Variants in CAMK2B observed in about 807,000 individuals in gnomAD.
CAMK2B encodes calcium/calmodulin dependent protein kinase II beta, also known as calcium/calmodulin-dependent protein kinase type II subunit beta.
Under a neutral mutation model 93.7 loss-of-function variants are expected in CAMK2B, and 27 were observed. That is an observed-to-expected ratio of 0.29 (90% CI 0.21 to 0.40). The LOEUF is 0.40. CAMK2B is among the 10% of genes least tolerant of loss of function. The probability of loss-of-function intolerance (pLI) is 1.00; values close to 1 mark genes in which losing one functional copy is unlikely to be tolerated. For missense variants in CAMK2B, 568 were observed against 895.8 expected, an observed-to-expected ratio of 0.63 and a Z score of 4.67; for synonymous variants, 374 against 358.8, an observed-to-expected ratio of 1.04 and a Z score of -0.48.
intron 1 of CAMK2B, among the ~76,000 whole-genome samples, chr7:44,285,097 C>T (rs918142142): frequency 2.0e-5 from 3 of 152,158 alleles, no homozygotes; most frequent in Non-Finnish European, 2.9e-5. Flanking sequence ...GGCTTCAGGG[C>T]GCCCTGAGGG....
intron 1 of CAMK2B, among the ~76,000 whole-genome samples, chr7:44,307,656 C>G (rs1792282613): frequency 6.6e-6 from 1 of 152,066 alleles, no homozygotes; most frequent in Non-Finnish European, 1.5e-5. Context: ...GTCCTAGGGC[C>G]TTGGTCCTGG....
At chr7:44,323,557 T>C (rs1221524666) in intron 1 of CAMK2B, among the ~76,000 whole-genome samples, 1 of 152,130 alleles carries the variant, frequency 6.6e-6, no homozygotes, top group African/African-American at 2.4e-5. Context: ...ACCCGGACAC[T>C]GCCGCTGGAC....
chr7:44,247,206 C>T lies in CAMK2B; in HGVS notation c.342-14G>A. ...TGGATACAGTGACTGTGGCAAACAG[C>T]AGGTGGGTTAGTGCGAGTGGCCCTG... On this transcript the variant is annotated splice_polypyrimidine_tract_variant and intron_variant, in intron 5 of 23. Transcript: ENST00000395749. 6.2e-7 allele frequency: 1 copy of T among 1,613,536 alleles called. No individual in the cohort carries two copies. Among genetic ancestry groups the T allele is most frequent in the South Asian group, 1.1e-5 (1 of 91,046 alleles).
intron 2 of CAMK2B, among the ~76,000 whole-genome samples, chr7:44,275,268 T>C (rs2129068836): frequency 6.6e-6 from 1 of 152,314 alleles, no homozygotes; most frequent in African/African-American, 2.4e-5. Context: ...AACCTGGCAT[T>C]GGACCCTGAC....
intron 1 of CAMK2B, among the ~76,000 whole-genome samples, chr7:44,306,992 AG>A (rs1222780826): frequency 1.5e-5 from 2 of 132,912 alleles, no homozygotes; most frequent in African/African-American, 2.9e-5. Context: ...GGGTGTGAGC[AG>A]GAGGAGGAGG....
intron 19 of CAMK2B, among the ~76,000 whole-genome samples, chr7:44,227,956 G>A (rs922220614): frequency 1.2e-4 from 15 of 125,648 alleles, no homozygotes; most frequent in African/African-American, 3.5e-4. Flanking sequence ...GATATGGGGG[G>A]ACGGAGGGAG....
chr7:44,244,092 C>T (rs2096707968), intron 6 of CAMK2B, among the ~76,000 whole-genome samples: 1 of 152,150 alleles, frequency 6.6e-6, no homozygotes, highest in Non-Finnish European at 1.5e-5. Context: ...CGCCCAGGGC[C>T]CTCAGCACTA....
In CAMK2B at chr7:44,243,292, G is replaced by A. The variant is rs1477202799; in HGVS notation, c.559C>T (p.Arg187Cys). Residue 187 changes from arginine to cysteine, a missense_variant, in exon 8 of 24, where the codon CGC (arginine) becomes TGC (cysteine). By Grantham distance (180) the Arg-to-Cys change is radical. This residue lies in a region of CAMK2B where 105 missense variants were observed against 372.4 expected (regional missense o/e 0.28). Coordinates refer to ENST00000395749, the MANE Select transcript of CAMK2B (RefSeq NM_001220.5). Reference protein sequence around the residue: ...TPGYLSPEVLRKEAYGKPVDI... With the variant: ...TPGYLSPEVLCKEAYGKPVDI... ...ACAGGCTTGCCATACGCCTCTTTGC[G>A]AAGGACCTCAGGGGACAGGTAGCCT... 8 of 1,613,972 alleles carry A rather than the reference G, an allele frequency of 5.0e-6. No homozygotes were observed. Among genetic ancestry groups the A allele is most frequent in the South Asian group, 1.1e-5 (1 of 91,078 alleles).
intron 2 of CAMK2B, chr7:44,268,158 C>G (rs916084218): frequency 6.6e-6 from 1 of 152,340 alleles, no homozygotes; most frequent in African/African-American, 2.4e-5. Flanking sequence ...CCGCACACAT[C>G]CCAGGACGCC....
At chr7:44,234,586 G>T in intron 14 of CAMK2B, 53 bp downstream of exon 14, 1 of 1,606,880 alleles carries the variant, frequency 6.2e-7, no homozygotes, top group East Asian at 2.2e-5. Context: ...GCGTGGGGGT[G>T]AAGCTGCAGG....
At chr7:44,320,315 A>G (rs1795780360) in intron 1 of CAMK2B, among the ~76,000 whole-genome samples, 1 of 152,188 alleles carries the variant, frequency 6.6e-6, no homozygotes, top group African/African-American at 2.4e-5. Context: ...CAAAAGCCTC[A>G]GGTCAGAGTA....
At position 44,224,724 on chromosome 7, in the gene CAMK2B, A is replaced by C. The variant is rs2096454713; in HGVS notation, c.1597+1792T>G. 6.6e-6 allele frequency among the ~76,000 whole-genome samples: 1 copy of C among 152,164 alleles called. No homozygotes were observed. The highest frequency in any genetic ancestry group is 2.4e-5 in the African/African-American group (1 of 41,438). On this transcript the variant is annotated intron_variant, in intron 20 of 23. Coordinates refer to ENST00000395749, the MANE Select transcript of CAMK2B (RefSeq NM_001220.5). This position sits in a 1 kb window ranked among gnomAD's most constrained non-coding sequence, Gnocchi z 4.4. ...GAGGGAGGGCAGCTGCCCAGGGATC[A>C]GGCTGGATTGTGTATAATCCGCGAT... is the stretch of plus-strand genomic sequence containing the variant.
chr7:44,295,069 A>G (rs1787928622), intron 1 of CAMK2B, among the ~76,000 whole-genome samples: 1 of 152,244 alleles, frequency 6.6e-6, no homozygotes, highest in Non-Finnish European at 1.5e-5. Context: ...TTCTGGACTT[A>G]TAACTTAGCG....
chr7:44,274,513 G>A (rs959094001), intron 2 of CAMK2B, among the ~76,000 whole-genome samples: 4 of 152,218 alleles, frequency 2.6e-5, no homozygotes, highest in Admixed American at 2.0e-4. Flanking sequence ...GGGCTTCCCC[G>A]CTCCTGCCCA....
At chr7:44,247,501 C>T (rs1455548717) in intron 5 of CAMK2B, among the ~76,000 whole-genome samples, 1 of 152,186 alleles carries the variant, frequency 6.6e-6, no homozygotes, top group Non-Finnish European at 1.5e-5. Context: ...AAGCTTGACC[C>T]TAAGCTGGGC....
At position 44,324,124 on chromosome 7, in the gene CAMK2B, C is replaced by A. The variant is rs1394938706; in HGVS notation, c.65+1233G>T. Among the ~76,000 whole-genome samples, 12 of 152,236 alleles carry A rather than the reference C, an allele frequency of 7.9e-5. 1 individual carries two copies. Among genetic ancestry groups the A allele is most frequent in the Admixed American group, 7.9e-4 (12 of 15,282 alleles). On this transcript the variant is annotated intron_variant, in intron 1 of 23. Transcript: ENST00000395749. ...CAGGGAGAAGTGGGGAATGAACACA[C>A]CCCCACACTCCTCCAGCTCCGCACT...
chr7:44,295,325 A>G (rs1406766004), intron 1 of CAMK2B, among the ~76,000 whole-genome samples: 1 of 152,262 alleles, frequency 6.6e-6, no homozygotes, highest in Non-Finnish European at 1.5e-5. Flanking sequence ...CTGAAAATCA[A>G]CAACTCTTCT....
At chr7:44,237,059 C>T (rs756623218) in intron 13 of CAMK2B, among the ~76,000 whole-genome samples, 3 of 152,256 alleles carry the variant, frequency 2.0e-5, no homozygotes, top group African/African-American at 4.8e-5. Flanking sequence ...CAGTCAGGCA[C>T]GTAGCCTCCG....
chr7:44,278,354 G>A (rs1354488040), intron 2 of CAMK2B, among the ~76,000 whole-genome samples: 1 of 152,208 alleles, frequency 6.6e-6, no homozygotes. Flanking sequence ...TTACAGCTGG[G>A]GAAACTGAGG....
Sources: gnomAD v4.1 joint callset for allele counts (sites outside exome capture counted in the v4.1 genomes callset) on GRCh38, gnomAD v4.1.1 for gene constraint, gnomAD v4.1.1 regional missense constraint, Gnocchi (gnomAD v3.1) non-coding constraint, MANE v1.5 for transcripts, NCBI Gene and HGNC (gene_info 2026-07-23, HGNC 2026-07-21) for gene names.